NCKAP5: variants seen among roughly 807,000 people sequenced by gnomAD.
NCKAP5 encodes the protein NCK associated protein 5.
NCKAP5 carries 92 observed loss-of-function variants against 167.0 expected under a neutral mutation model. That is an observed-to-expected ratio of 0.55 (90% CI 0.47 to 0.66). The LOEUF is 0.66. Among genes scored for constraint, NCKAP5 ranks in the 30% least tolerant of loss-of-function variants. The pLI is 0.00. For synonymous variants in NCKAP5, 891 were observed against 877.4 expected, an observed-to-expected ratio of 1.02 and a Z score of -0.27; for missense variants, 2,378 against 2,315.0, an observed-to-expected ratio of 1.03 and a Z score of -0.56.
At chr2:133,634,068 C>A in the NCKAP5 span, among the ~76,000 whole-genome samples, 1 of 152,180 alleles carries the variant, frequency 6.6e-6, no homozygotes, top group Admixed American at 6.5e-5. Flanking sequence ...CTGTGCAGCT[C>A]CTCTCCAGCT....
chr2:132,728,590 A>G lies in NCKAP5; in HGVS notation c.5580+226T>C, dbSNP rs542931666. Among the ~76,000 whole-genome samples the G allele has an allele frequency of 2.0e-5, 3 of 152,302 alleles. No homozygotes were observed. The East Asian group carries it at 5.8e-4, about 29-fold the overall frequency. The stretch of plus-strand genomic sequence containing the variant: ...CATCCATACCCAAGAATCTGGGTGC[A>G]TTTCAGAAGCACTTTGATTTCTTCA... On this transcript the variant is annotated intron_variant, in intron 18 of 19. Transcript: ENST00000409261.
At chr2:133,505,348 A>G (rs147610999) in intron 3 of NCKAP5, among the ~76,000 whole-genome samples, 48 of 152,212 alleles carry the variant, frequency 3.2e-4, no homozygotes, top group African/African-American at 1.1e-3. Flanking sequence ...AACATCATGG[A>G]TATGCTATTC....
At position 133,558,808 on chromosome 2, in the gene NCKAP5, G is replaced by A. The variant is rs1038073005; in HGVS notation, c.-62+242C>T. On this transcript the variant is annotated intron_variant, in intron 2 of 19. Transcript: ENST00000409261. ...GCACATTGTTCTCTGTAGTTGTTTT[G>A]GAGTGGCAAATACTCATTTGTGCCA... Among the ~76,000 whole-genome samples, 3 of 147,836 alleles carry A rather than the reference G, an allele frequency of 2.0e-5. No individual in the cohort carries two copies. The Admixed American group carries it at 2.1e-4, about 10-fold the overall frequency.
intron 8 of NCKAP5, among the ~76,000 whole-genome samples, chr2:132,884,532 T>A (rs1488373967): frequency 6.6e-6 from 1 of 152,230 alleles, no homozygotes; most frequent in East Asian, 1.9e-4. Context: ...GGGTTTATAA[T>A]TTCTTAGTTA....
At chr2:132,864,678 AT>A (rs758918329) in intron 10 of NCKAP5, among the ~76,000 whole-genome samples, 1 of 152,202 alleles carries the variant, frequency 6.6e-6, no homozygotes, top group Non-Finnish European at 1.5e-5. Flanking sequence ...GCTGAAGTAC[AT>A]TTTTTAAAAT....
At chr2:132,804,628 A>G (rs982762959) in intron 11 of NCKAP5, among the ~76,000 whole-genome samples, 1 of 152,258 alleles carries the variant, frequency 6.6e-6, no homozygotes, top group East Asian at 1.9e-4. Flanking sequence ...GATGGTCACT[A>G]GAATTCAATG....
In NCKAP5 at chr2:133,255,803, C is replaced by T. The variant is rs111549725; in HGVS notation, c.144-42024G>A. Among the ~76,000 whole-genome samples, 300 of 152,172 alleles carry T rather than the reference C, an allele frequency of 2.0e-3. 1 individual carries two copies. Among genetic ancestry groups the T allele is most frequent in the African/African-American group, 6.7e-3 (276 of 41,502 alleles). ...AGCAATTTATGTAACATTCTGTCATCGGAAGTAAAATCTAGGATCAGAATG... is the reference window on the plus strand; with the variant it reads ...AGCAATTTATGTAACATTCTGTCATTGGAAGTAAAATCTAGGATCAGAATG... On this transcript the variant is annotated intron_variant, in intron 4 of 19. Transcript: ENST00000409261.
chr2:132,734,854 G>GTA (rs138440849), intron 16 of NCKAP5, among the ~76,000 whole-genome samples: 15,453 of 152,254 alleles, frequency 0.1, 971 homozygotes, highest in East Asian at 0.14. Flanking sequence ...AGAAGCACAA[G>GTA]TAAACCCCAA....
rs1019444424 is a variant in NCKAP5 at position 133,432,333 on chromosome 2, G to T, written c.69+85125C>A. ...ACAAATACCTGAGAAAAGCAGAAAT[G>T]CTGATACCCTAAACATTTATTTAAG... On this transcript the variant is annotated intron_variant, in intron 3 of 19. Transcript: ENST00000409261. Among the ~76,000 whole-genome samples, 5 of 152,328 alleles carry T rather than the reference G, an allele frequency of 3.3e-5. No homozygotes were observed. In the South Asian group the frequency reaches 1.0e-3, roughly 32 times the overall value.
At position 133,213,565 on chromosome 2, in the gene NCKAP5, T is replaced by C. The variant is rs541432535; in HGVS notation, c.207+151A>G. On this transcript the variant is annotated intron_variant, in intron 5 of 19. Coordinates refer to ENST00000409261, the MANE Select transcript of NCKAP5 (RefSeq NM_207363.3). ...TCTGATGGCAAATGGCAGAGCTGTA[T>C]AAATTCTATTATAAATACATCATTT... is the stretch of plus-strand genomic sequence containing the variant. 30 of 713,048 alleles carry C rather than the reference T, an allele frequency of 4.2e-5. No individual in the cohort carries two copies. The African/African-American group carries it at 4.5e-4, about 11-fold the overall frequency. The allele number at this position is 713,048 out of a possible 1,614,324, so 44.2% of individuals were successfully genotyped here.
At chr2:132,793,064 G>A (rs1321870882) in intron 12 of NCKAP5, among the ~76,000 whole-genome samples, 1 of 152,182 alleles carries the variant, frequency 6.6e-6, no homozygotes, top group Non-Finnish European at 1.5e-5. Flanking sequence ...GAGTGCAATG[G>A]CATGATCTCA....
chr2:132,883,598 C>T (rs903696449), intron 8 of NCKAP5, among the ~76,000 whole-genome samples: 1 of 152,202 alleles, frequency 6.6e-6, no homozygotes, highest in Non-Finnish European at 1.5e-5. Context: ...TGCTCACTTT[C>T]CAGCCTTGCC....
chr2:133,042,673 C>T (rs928810625), intron 6 of NCKAP5, among the ~76,000 whole-genome samples: 1 of 152,090 alleles, frequency 6.6e-6, no homozygotes, highest in Non-Finnish European at 1.5e-5. Flanking sequence ...CACACGTGTG[C>T]TTTCTAAATT....
At chr2:132,901,874 C>T (rs1032472979) in intron 8 of NCKAP5, among the ~76,000 whole-genome samples, 2 of 152,148 alleles carry the variant, frequency 1.3e-5, no homozygotes, top group East Asian at 3.9e-4. Context: ...ATGTTTTCAT[C>T]CCTAATCATA....
intron 5 of NCKAP5, among the ~76,000 whole-genome samples, chr2:133,192,462 A>G (rs921140199): frequency 2.0e-5 from 3 of 152,102 alleles, no homozygotes; most frequent in Non-Finnish European, 4.4e-5. Context: ...AGAGGATGTA[A>G]ATCAGTTATA....
intron 11 of NCKAP5, among the ~76,000 whole-genome samples, chr2:132,835,527 T>C (rs767944647): frequency 2.6e-5 from 4 of 152,180 alleles, no homozygotes; most frequent in Non-Finnish European, 5.9e-5. Flanking sequence ...CATTTTGTAA[T>C]TTCTAATGTC....
chr2:133,565,788 G>A (rs1054131940), intron 1 of NCKAP5, among the ~76,000 whole-genome samples: 11 of 152,212 alleles, frequency 7.2e-5, no homozygotes, highest in African/African-American at 2.7e-4. Flanking sequence ...ACAGTAATGT[G>A]GTAATTTTGC....
chr2:133,046,702 A>T (rs1453156976), intron 6 of NCKAP5, among the ~76,000 whole-genome samples: 1 of 152,168 alleles, frequency 6.6e-6, no homozygotes, highest in Non-Finnish European at 1.5e-5. Context: ...ATATTTCACT[A>T]AAGAGAAACT....
chr2:133,528,156 C>G (rs2104811675), intron 2 of NCKAP5, among the ~76,000 whole-genome samples: 1 of 152,234 alleles, frequency 6.6e-6, no homozygotes, highest in Admixed American at 6.5e-5. Flanking sequence ...AGGTTTTACA[C>G]ACACATATAT....
Sources: gnomAD v4.1 joint callset for allele counts (sites outside exome capture counted in the v4.1 genomes callset) on GRCh38, gnomAD v4.1.1 for gene constraint, MANE v1.5 for transcripts, NCBI Gene and HGNC (gene_info 2026-07-23, HGNC 2026-07-21) for gene names.